The following NCMAP variants were observed in gnomAD, a reference collection of about 807,000 sequenced individuals.
The protein encoded by NCMAP is non-compact myelin associated protein.
Under a neutral mutation model 7.8 loss-of-function variants are expected in NCMAP, and 8 were observed. The ratio of observed to expected loss-of-function variants is 1.02; its 90% CI spans 0.60 to 1.84. The LOEUF (loss-of-function observed/expected upper bound fraction) is 1.84, where lower values mean the gene tolerates loss of function less well. Among genes scored for constraint, NCMAP ranks in the 40% most tolerant of loss-of-function variants. The pLI, the probability that NCMAP is intolerant of heterozygous loss-of-function variation, is 0.00. For synonymous variants in NCMAP, 41 were observed against 52.9 expected, an observed-to-expected ratio of 0.78 and a Z score of 0.98; for missense variants, 112 against 131.4, an observed-to-expected ratio of 0.85 and a Z score of 0.72.
At chr1:24,589,990 C>A (rs554882946) in intron 1 of NCMAP, among the ~76,000 whole-genome samples, 2 of 152,162 alleles carry the variant, frequency 1.3e-5, no homozygotes, top group South Asian at 4.2e-4. Context: ...TCACACCTGG[C>A]TAATTTTCCA....
chr1:24,587,471 T>TTGAATTGAACCTTTCA (rs2148933023), intron 1 of NCMAP, among the ~76,000 whole-genome samples: 1 of 152,314 alleles, frequency 6.6e-6, no homozygotes, highest in South Asian at 2.1e-4. Flanking sequence ...CGGTGAAAGT[T>TTGAATTGAACCTTTCA]TGAATTGAAC....
chr1:24,590,143 G>A (rs1407819076), intron 1 of NCMAP, among the ~76,000 whole-genome samples: 3 of 152,206 alleles, frequency 2.0e-5, no homozygotes, highest in Non-Finnish European at 4.4e-5. Flanking sequence ...CTTCATTTGA[G>A]AGAAGGGGAA....
intron 1 of NCMAP, among the ~76,000 whole-genome samples, chr1:24,583,234 T>A (rs1265058183): frequency 7.1e-6 from 1 of 140,792 alleles, no homozygotes; most frequent in Non-Finnish European, 1.5e-5. Flanking sequence ...GCTACTGGCA[T>A]CTAGTGAGCA....
intron 1 of NCMAP, among the ~76,000 whole-genome samples, chr1:24,571,044 G>C (rs1651374810): frequency 6.6e-6 from 1 of 150,718 alleles, no homozygotes; most frequent in Non-Finnish European, 1.5e-5. Flanking sequence ...TTCACAACGA[G>C]GGACATTGAG....
chr1:24,557,797 G>A (rs544573468), intron 1 of NCMAP, among the ~76,000 whole-genome samples: 1 of 152,178 alleles, frequency 6.6e-6, no homozygotes, highest in Non-Finnish European at 1.5e-5. Flanking sequence ...GATGAGCTGT[G>A]GGGAGGCAGC....
chr1:24,603,125 G>C (rs1652565831), intron 3 of NCMAP, among the ~76,000 whole-genome samples: 1 of 152,096 alleles, frequency 6.6e-6, no homozygotes, highest in African/African-American at 2.4e-5. Flanking sequence ...CCACATGCCA[G>C]GCATGGTTCT....
At chr1:24,602,378 C>G (rs1031058764) in intron 3 of NCMAP, among the ~76,000 whole-genome samples, 1 of 135,218 alleles carries the variant, frequency 7.4e-6, no homozygotes, top group Non-Finnish European at 1.5e-5. Flanking sequence ...GTCAGGAGAT[C>G]GAGACCACGG....
chr1:24,600,723 A>T (rs769874407), intron 2 of NCMAP, among the ~76,000 whole-genome samples: 1 of 152,204 alleles, frequency 6.6e-6, no homozygotes, highest in Non-Finnish European at 1.5e-5. Flanking sequence ...TTGGCAGATG[A>T]TGTGCTAAGG....
At chr1:24,594,820 G>T (rs909509024) in intron 1 of NCMAP, among the ~76,000 whole-genome samples, 1 of 152,192 alleles carries the variant, frequency 6.6e-6, no homozygotes, top group Non-Finnish European at 1.5e-5. Flanking sequence ...AGCCCAAGGA[G>T]GTCGAGGCTG....
chr1:24,587,639 A>AGG (rs1651930016), intron 1 of NCMAP, among the ~76,000 whole-genome samples: 1 of 151,966 alleles, frequency 6.6e-6, no homozygotes, highest in Non-Finnish European at 1.5e-5. Flanking sequence ...TCAGCCTCCC[A>AGG]AGTAGCTAAG....
chr1:24,589,921 C>T (rs1303642642), intron 1 of NCMAP, among the ~76,000 whole-genome samples: 1 of 152,184 alleles, frequency 6.6e-6, no homozygotes, highest in East Asian at 1.9e-4. Context: ...CTCCCGGGTT[C>T]AAGCAATTCT....
chr1:24,602,905 T>C (rs928100221), intron 3 of NCMAP, among the ~76,000 whole-genome samples: 1 of 150,662 alleles, frequency 6.6e-6, no homozygotes, highest in Non-Finnish European at 1.5e-5. Flanking sequence ...CTGGGCATGG[T>C]GGCGGGTGCC....
chr1:24,605,826 C>T lies in NCMAP; in HGVS notation c.*79C>T, dbSNP rs1248923664. The T allele has an allele frequency of 9.9e-6, 15 of 1,522,266 alleles. No individual in the cohort carries two copies. The African/African-American group carries it at 1.1e-4, about 11-fold the overall frequency. 94.3% of individuals were successfully genotyped at this position (1,522,266 alleles called of 1,614,324 possible). ...GACCCAGAGGCACACTCTCTGGCAG[C>T]TTCACAATGAGCTTCTTCTGGTCAG... On this transcript the variant is annotated 3_prime_UTR_variant, in exon 4 of 4. Coordinates refer to ENST00000374392, the MANE Select transcript of NCMAP (RefSeq NM_001010980.5).
intron 1 of NCMAP, among the ~76,000 whole-genome samples, chr1:24,589,090 C>T (rs778906974): frequency 1.6e-4 from 25 of 152,166 alleles, no homozygotes; most frequent in Admixed American, 5.2e-4. Context: ...TCCTCATCTT[C>T]AGAATGGACA....
chr1:24,577,937 G>T (rs2148930055), intron 1 of NCMAP, among the ~76,000 whole-genome samples: 1 of 152,164 alleles, frequency 6.6e-6, no homozygotes, highest in East Asian at 1.9e-4. Flanking sequence ...TGCGCATTTT[G>T]TTTTGAATGA....
chr1:24,561,910 CA>C (rs5773094), intron 1 of NCMAP, among the ~76,000 whole-genome samples: 20,201 of 136,800 alleles, frequency 0.15, 1,879 homozygotes, highest in African/African-American at 0.29. Flanking sequence ...GACTTCGTCT[CA>C]AAAAAAAAAA....
chr1:24,582,477 T>A (rs113824945), intron 1 of NCMAP, among the ~76,000 whole-genome samples: 330 of 152,260 alleles, frequency 2.2e-3, no homozygotes, highest in Non-Finnish European at 3.9e-3. Flanking sequence ...CGTAAGGTTC[T>A]TTATAAGGGA....
At chr1:24,569,021 G>GTTTT (rs1651309576) in intron 1 of NCMAP, among the ~76,000 whole-genome samples, 1 of 134,178 alleles carries the variant, frequency 7.5e-6, no homozygotes, top group South Asian at 2.5e-4. Flanking sequence ...GTTTTGTTTT[G>GTTTT]TTTTGTTTTT....
chr1:24,567,560 C>G (rs1344676635), intron 1 of NCMAP, among the ~76,000 whole-genome samples: 2 of 152,146 alleles, frequency 1.3e-5, no homozygotes, highest in Non-Finnish European at 2.9e-5. Context: ...GTGATTGACA[C>G]TTAATATTAA....
Sources: allele counts gnomAD v4.1 joint callset (sites outside exome capture counted in the v4.1 genomes callset), GRCh38; gene constraint gnomAD v4.1.1; transcripts MANE v1.5; gene names NCBI Gene and HGNC (gene_info 2026-07-23, HGNC 2026-07-21).